The following DAAM2 variants were observed in gnomAD, a reference collection of about 807,000 sequenced individuals.
DAAM2 encodes the protein disheveled-associated activator of morphogenesis 2.
In DAAM2, 39 loss-of-function variants were observed where a neutral mutation model predicts 120.7. The ratio of observed to expected loss-of-function variants is 0.32; its 90% CI spans 0.25 to 0.42. The LOEUF is 0.42. Ranked by LOEUF, DAAM2 falls within the 10% of genes least tolerant of loss-of-function variation. DAAM2 has a pLI of 1.00. For missense variants in DAAM2, 1,283 were observed against 1,401.7 expected, an observed-to-expected ratio of 0.92 and a Z score of 1.35; for synonymous variants, 488 against 524.9, an observed-to-expected ratio of 0.93 and a Z score of 0.96.
chr6:39,872,197 C>G (rs184844882), intron 9 of DAAM2, among the ~76,000 whole-genome samples: 13 of 152,272 alleles, frequency 8.5e-5, no homozygotes, highest in Non-Finnish European at 1.5e-5. Flanking sequence ...ACCCAGTCCT[C>G]TGATTCAAAT....
At chr6:39,807,124 A>G (rs1338060516) in intron 1 of DAAM2, among the ~76,000 whole-genome samples, 1 of 152,074 alleles carries the variant, frequency 6.6e-6, no homozygotes, top group Non-Finnish European at 1.5e-5. Flanking sequence ...ATCCATTATC[A>G]ACCAGAAGAC....
intron 1 of DAAM2, among the ~76,000 whole-genome samples, chr6:39,807,759 C>T (rs1168882054): frequency 1.3e-5 from 2 of 152,140 alleles, no homozygotes; most frequent in Admixed American, 6.5e-5. Flanking sequence ...TCAAGTGACC[C>T]GCCCACCTCG....
At chr6:39,845,851 C>T (rs182517392) in intron 1 of DAAM2, among the ~76,000 whole-genome samples, 113 of 152,058 alleles carry the variant, frequency 7.4e-4, no homozygotes, top group African/African-American at 2.7e-3. Flanking sequence ...GTGACCTAGG[C>T]TGTGAGTGCC....
intron 10 of DAAM2, 141 bp from the exon 11 acceptor site, chr6:39,875,189 T>C (rs1007102750): frequency 1.8e-5 from 15 of 837,002 alleles, no homozygotes; most frequent in South Asian, 9.1e-5. Flanking sequence ...AGCAATGGCA[T>C]TGCCTCTTCT....
rs1766479729 is a variant in DAAM2 at position 39,901,483 on chromosome 6, G to A, written c.2982+11G>A. ...CGCATGGAAGCCATGGTGAGGGGCA[G>A]TGCCAGGCCTGGGACTGAGGGGAGA... is the stretch of plus-strand genomic sequence containing the variant. On this transcript the variant is annotated intron_variant, in intron 24 of 24. Coordinates refer to ENST00000274867, the MANE Select transcript of DAAM2 (RefSeq NM_001201427.2). This position sits in a 1 kb window ranked among gnomAD's most constrained non-coding sequence, Gnocchi z 4.5. 2 of 1,600,592 alleles carry A rather than the reference G, an allele frequency of 1.2e-6. No homozygotes were observed. Among genetic ancestry groups the A allele is most frequent in the African/African-American group, 1.4e-5 (1 of 73,944 alleles).
chr6:39,809,434 C>T (rs187602399), intron 1 of DAAM2, among the ~76,000 whole-genome samples: 34 of 152,230 alleles, frequency 2.2e-4, no homozygotes, highest in African/African-American at 4.1e-4. Context: ...GCTATCTGCT[C>T]GGTTTCTTCT....
chr6:39,795,885 C>T (rs1761684754), intron 1 of DAAM2, among the ~76,000 whole-genome samples: 1 of 150,664 alleles, frequency 6.6e-6, no homozygotes, highest in Non-Finnish European at 1.5e-5. Context: ...GGGAGAAGGA[C>T]AGAAGAGCAG....
In DAAM2 at chr6:39,864,427, T is replaced by C. The variant is rs1333747127; in HGVS notation, c.259-6T>C. 5 of 1,612,260 alleles carry C rather than the reference T, an allele frequency of 3.1e-6. No homozygotes were observed. The East Asian group carries it at 8.9e-5, about 29-fold the overall frequency. ...TTGGTCCATGCTGTCCTTTTTCTTG[T>C]TTCAGGAGCAGGAGGACCCCAACAA... On this transcript the variant is annotated splice_polypyrimidine_tract_variant and splice_region_variant and intron_variant, in intron 3 of 24. Transcript: ENST00000274867.
In DAAM2 at chr6:39,832,281, C is replaced by T. The variant is rs1464322638; in HGVS notation, c.-56-23966C>T. Among the ~76,000 whole-genome samples, 3 of 151,990 alleles carry T rather than the reference C, an allele frequency of 2.0e-5. No individual in the cohort carries two copies. The East Asian group carries it at 5.8e-4, about 29-fold the overall frequency. The stretch of plus-strand genomic sequence containing the variant: ...CTCCCCAGTGAGGGGGTCCCAGAGG[C>T]TCCCCTTCTCCCCTCTCCTCCTATG... On this transcript the variant is annotated intron_variant, in intron 1 of 24. Transcript: ENST00000274867.
chr6:39,835,636 T>C (rs1218464292), intron 1 of DAAM2, among the ~76,000 whole-genome samples: 1 of 152,238 alleles, frequency 6.6e-6, no homozygotes, highest in Non-Finnish European at 1.5e-5. Flanking sequence ...GAAGGAACTC[T>C]TGCCATCCAG....
chr6:39,827,961 A>C (rs1449731646), intron 1 of DAAM2, among the ~76,000 whole-genome samples: 2 of 152,048 alleles, frequency 1.3e-5, no homozygotes, highest in African/African-American at 4.8e-5. Flanking sequence ...GACTCAGCCC[A>C]AAAATCACCA....
At position 39,900,184 on chromosome 6, in the gene DAAM2, C is replaced by G; in HGVS notation, c.2787C>G (p.Asp929Glu). Residue 929 changes from aspartate to glutamate, a missense_variant, in exon 23 of 25, where the codon GAC becomes GAG. Asp to Glu is a conservative substitution (Grantham distance 45). Transcript: ENST00000274867. Reference sequence around the variant, plus strand: ...GCTTCAGCTTCTCCGAGCTGGAGGACCAGCTAAATGAGGCCAGGGACAAGG... The same window carrying G: ...GCTTCAGCTTCTCCGAGCTGGAGGAGCAGCTAAATGAGGCCAGGGACAAGG... ...VSSFSFSELE[D>E]QLNEARDKFA... 1.2e-6 allele frequency: 2 copies of G among 1,609,388 alleles called. No homozygotes were observed. The highest frequency in any genetic ancestry group is 1.7e-6 in the Non-Finnish European group (2 of 1,178,072).
chr6:39,879,625 G>C lies in DAAM2; in HGVS notation c.1845+148G>C, dbSNP rs1162841216. 4 of 1,064,442 alleles carry C rather than the reference G, an allele frequency of 3.8e-6. No homozygotes were observed. In the South Asian group the frequency reaches 5.2e-5, roughly 14 times the overall value. The allele number at this position is 1,064,442 out of a possible 1,614,324, so 65.9% of individuals were successfully genotyped here. On this transcript the variant is annotated intron_variant, in intron 14 of 24. Transcript: ENST00000274867. ...GCAGTCATGTGGATGTACAAAGTGG[G>C]TTTGCTGTGCCAGGCAGCTCACGGT...
At chr6:39,808,170 T>C (rs1561995954) in intron 1 of DAAM2, among the ~76,000 whole-genome samples, 1 of 151,846 alleles carries the variant, frequency 6.6e-6, no homozygotes, top group Non-Finnish European at 1.5e-5. Flanking sequence ...TATAGGTTGG[T>C]CCAAAAATTA....
intron 1 of DAAM2, among the ~76,000 whole-genome samples, chr6:39,841,773 G>A (rs1582656615): frequency 6.6e-6 from 1 of 152,132 alleles, no homozygotes; most frequent in Admixed American, 6.5e-5. Flanking sequence ...TTCAAGGACT[G>A]TTCTCAGGGC....
chr6:39,870,914 G>A, intron 8 of DAAM2, among the ~76,000 whole-genome samples: 1 of 152,164 alleles, frequency 6.6e-6, no homozygotes. Context: ...CTCTGGTTCT[G>A]TCCCATTAGT....
At chr6:39,888,186 C>G (rs1465966322) in intron 16 of DAAM2, 2 of 157,074 alleles carry the variant, frequency 1.3e-5, no homozygotes, top group East Asian at 3.7e-4. Context: ...CTCTCCCAGA[C>G]AGCAAGACTG....
chr6:39,876,155 G>C (rs1034469325), intron 11 of DAAM2, among the ~76,000 whole-genome samples: 1 of 152,190 alleles, frequency 6.6e-6, no homozygotes, highest in African/African-American at 2.4e-5. Flanking sequence ...ATCTTGGATA[G>C]AGAAACACAG....
chr6:39,831,326 C>G (rs1762879149), intron 1 of DAAM2, among the ~76,000 whole-genome samples: 1 of 152,038 alleles, frequency 6.6e-6, no homozygotes, highest in South Asian at 2.1e-4. Context: ...TTCAGATGCC[C>G]TTGAAAGACC....
Sources: allele counts gnomAD v4.1 joint callset (sites outside exome capture counted in the v4.1 genomes callset), GRCh38; gene constraint gnomAD v4.1.1; non-coding constraint Gnocchi (gnomAD v3.1); transcripts MANE v1.5; gene names NCBI Gene and HGNC (gene_info 2026-07-23, HGNC 2026-07-21).